Variants in EPHA1 observed in about 807,000 individuals in gnomAD.
The protein encoded by EPHA1 is EPH receptor A1, also known as ephrin type-A receptor 1.
In EPHA1, 92 loss-of-function variants were observed where a neutral mutation model predicts 110.1. The ratio of observed to expected loss-of-function variants is 0.84; its 90% confidence interval spans 0.71 to 0.99. EPHA1 has a LOEUF of 0.99. Ranked by LOEUF, EPHA1 falls within the 50% of genes least tolerant of loss-of-function variation. The pLI is 0.00. For synonymous variants in EPHA1, 500 were observed against 516.1 expected (o/e 0.97, Z 0.42); for missense variants, 1,204 against 1,285.4 (o/e 0.94, Z 0.97).
In EPHA1 at chr7:143,391,582, C is replaced by T. The variant is rs145434882; in HGVS notation, c.2852+38G>A. 10,645 of 1,614,098 alleles carry T rather than the reference C, an allele frequency of 6.6e-3. 63 individuals carry two copies. The highest frequency in any genetic ancestry group is 0.023 in the East Asian group (1,010 of 44,872). On this transcript the variant is annotated intron_variant, in intron 17 of 17. Coordinates refer to ENST00000275815, the MANE Select transcript of EPHA1 (RefSeq NM_005232.5). Reference sequence around the variant, plus strand: ...GGCATGAGTCCGGAGGCTCCACCCCCGCAGCCCTCCCCTGCCCAGACAGCT... The same window carrying T: ...GGCATGAGTCCGGAGGCTCCACCCCTGCAGCCCTCCCCTGCCCAGACAGCT...
At chr7:143,406,547 G>C (rs951555490) in intron 2 of EPHA1, among the ~76,000 whole-genome samples, 1 of 152,250 alleles carries the variant, frequency 6.6e-6, no homozygotes, top group Non-Finnish European at 1.5e-5. Flanking sequence ...AGGAGGGTCA[G>C]GTAAACCTGA....
chr7:143,397,206 C>G, intron 10 of EPHA1, 98 bp downstream of exon 10: 2 of 1,414,912 alleles, frequency 1.4e-6, no homozygotes, highest in Non-Finnish European at 1.9e-6. Context: ...CAAATGTGTC[C>G]CTTGATCCCT....
At position 143,394,330 on chromosome 7, in the gene EPHA1, G is replaced by A. The variant is rs1805180693; in HGVS notation, c.2366C>T (p.Pro789Leu). ...GTYETQGGKIPIRWTAPEAIA... is the reference protein window; with the variant it reads ...GTYETQGGKILIRWTAPEAIA... ...GGCTTCAGGGGCTGTCCAACGGATAGGGATCTTTCCTCCCTAAGAAGGCAC... is the reference window on the plus strand; with the variant it reads ...GGCTTCAGGGGCTGTCCAACGGATAAGGATCTTTCCTCCCTAAGAAGGCAC... The change falls in exon 15 of 18, where the codon CCT (proline) becomes CTT (leucine). Residue 789 changes from proline (P) to leucine (L), a missense_variant. Physicochemically the swap from Pro to Leu is moderately conservative, Grantham distance 98. Transcript: ENST00000275815. 1 of 1,613,876 alleles carries A rather than the reference G, an allele frequency of 6.2e-7. No individual in the cohort carries two copies. The highest frequency in any genetic ancestry group is 1.1e-5 in the South Asian group (1 of 91,078).
intron 3 of EPHA1, among the ~76,000 whole-genome samples, chr7:143,400,553 T>C (rs1031798650): frequency 1.3e-5 from 2 of 152,210 alleles, no homozygotes; most frequent in Non-Finnish European, 2.9e-5. Flanking sequence ...AGGATGTTTT[T>C]TTGAGTAGGA....
At position 143,399,907 on chromosome 7, in the gene EPHA1, G is replaced by A; in HGVS notation, c.579C>T (p.Ala193=). The A allele has an allele frequency of 6.2e-7, 1 of 1,612,314 alleles. No homozygotes were observed. Among genetic ancestry groups the A allele is most frequent in the Non-Finnish European group, 8.5e-7 (1 of 1,179,186 alleles). ...GGTAGAAGACCCGGACAGACACCAG[G>A]GCCACACAGGCACCCGGGTTGTGGA... is the stretch of plus-strand genomic sequence containing the variant. ...LAFHNPGACV[A]LVSVRVFYQR... Residue 193 remains alanine (A), a synonymous_variant, in exon 4 of 18, where the codon GCC becomes GCT. Coordinates refer to ENST00000275815, the MANE Select transcript of EPHA1 (RefSeq NM_005232.5).
In EPHA1 at chr7:143,395,557, G is replaced by C; in HGVS notation, c.1898-53C>G. On this transcript the variant is annotated intron_variant, in intron 11 of 17. Coordinates refer to ENST00000275815, the MANE Select transcript of EPHA1 (RefSeq NM_005232.5). The surrounding 1 kb of genome is among the most constrained non-coding windows in gnomAD (Gnocchi z 4.7). ...CCGATGCACTGCAGGGCTCCTCCAG[G>C]GGACAGGCAGCAACCCCTCCAGTCC... The C allele has an allele frequency of 6.3e-7, 1 of 1,584,830 alleles. No homozygotes were observed. Among genetic ancestry groups the C allele is most frequent in the Non-Finnish European group, 8.6e-7 (1 of 1,161,058 alleles).
chr7:143,400,764 T>C (rs1351923890), intron 3 of EPHA1: 1 of 156,102 alleles, frequency 6.4e-6, no homozygotes, highest in Non-Finnish European at 1.4e-5. Context: ...AAAATAGATA[T>C]AGCTGGCCCT....
chr7:143,396,161 G>T (rs868808821), intron 11 of EPHA1, among the ~76,000 whole-genome samples: 37 of 152,252 alleles, frequency 2.4e-4, no homozygotes, highest in African/African-American at 8.7e-4. Flanking sequence ...AAGCAAGTGT[G>T]TAGGAGACAG....
chr7:143,391,576 C>T (rs1344205576), intron 17 of EPHA1, 41 bp from the exon 18 acceptor site: 14 of 1,614,124 alleles, frequency 8.7e-6, no homozygotes, highest in African/African-American at 1.3e-5. Flanking sequence ...CCGGAGGCTC[C>T]ACCCCCGCAG....
rs796742967 is a variant in EPHA1, at chr7:143,401,710, T to C, written c.151-105A>G. On this transcript the variant is annotated intron_variant, in intron 2 of 17. Coordinates refer to ENST00000275815, the MANE Select transcript of EPHA1 (RefSeq NM_005232.5). This position sits in a 1 kb window ranked among gnomAD's most constrained non-coding sequence, Gnocchi z 4.1. ...CAGCTGTGTCAGAGCCCCTCAGGTT[T>C]ATGCTACTTGTTCTGCCTCTCCCCA... 7 of 1,396,800 alleles carry C rather than the reference T, an allele frequency of 5.0e-6. No homozygotes were observed. In the African/African-American group the frequency reaches 1.0e-4, roughly 20 times the overall value. 86.5% of individuals were successfully genotyped at this position (1,396,800 alleles called of 1,614,324 possible).
At position 143,395,536 on chromosome 7, in the gene EPHA1, T is replaced by C. The variant is rs751355309; in HGVS notation, c.1898-32A>G. On this transcript the variant is annotated intron_variant, in intron 11 of 17. Coordinates refer to ENST00000275815, the MANE Select transcript of EPHA1 (RefSeq NM_005232.5). The surrounding 1 kb of genome is among the most constrained non-coding windows in gnomAD (Gnocchi z 4.7). ...AGAAAGAAAACAGGCTGTGGCCCGA[T>C]GCACTGCAGGGCTCCTCCAGGGGAC... 1.6e-5 allele frequency: 25 copies of C among 1,608,592 alleles called. No individual in the cohort carries two copies. Among genetic ancestry groups the C allele is most frequent in the Admixed American group, 5.0e-5 (3 of 59,836 alleles).
At position 143,397,547 on chromosome 7, in the gene EPHA1, G is replaced by T; in HGVS notation, c.1712+14C>A. The T allele has an allele frequency of 6.2e-7, 1 of 1,612,682 alleles. No individual in the cohort carries two copies. Among genetic ancestry groups the T allele is most frequent in the Non-Finnish European group, 8.5e-7 (1 of 1,178,718 alleles). On this transcript the variant is annotated intron_variant, in intron 9 of 17. Transcript: ENST00000275815. Reference sequence around the variant, plus strand: ...CCCAGGGCTGGTGGTTGGGGAGGGGGCAGGAGCTGGCACCTGGACCGGAAA... The same window carrying T: ...CCCAGGGCTGGTGGTTGGGGAGGGGTCAGGAGCTGGCACCTGGACCGGAAA...
intron 3 of EPHA1, chr7:143,400,979 A>C (rs1805398589): frequency 6.4e-6 from 2 of 311,012 alleles, no homozygotes; most frequent in Non-Finnish European, 1.2e-5. Flanking sequence ...CTGCAGCCTC[A>C]AACTCCTGGG....
rs187038670 is a variant in EPHA1, at chr7:143,394,769, G to T, written c.2352+39C>A. ...GACTGTATGAATGGCATGTTACGGG[G>T]CAATGTGAATGTGCACTGGGTTTGT... On this transcript the variant is annotated intron_variant, in intron 14 of 17. Coordinates refer to ENST00000275815, the MANE Select transcript of EPHA1 (RefSeq NM_005232.5). 2.5e-6 allele frequency: 4 copies of T among 1,607,998 alleles called. No individual in the cohort carries two copies. In the East Asian group the frequency reaches 8.9e-5, roughly 36 times the overall value.
rs1281021546 is a variant in EPHA1, at chr7:143,399,851, G to A, written c.635C>T (p.Ala212Val). 1.9e-6 allele frequency: 3 copies of A among 1,606,018 alleles called. No individual in the cohort carries two copies. The highest frequency in any genetic ancestry group is 1.3e-5 in the African/African-American group (1 of 74,722). Reference protein sequence around the residue: ...QRCPETLNGLAQFPDTLPGPA... With the variant: ...QRCPETLNGLVQFPDTLPGPA... Reference sequence around the variant, plus strand: ...GCCAGGCAGAGTGTCTGGGAATTGGGCCAAGCCATTCAGGGTCTCAGGACA... The same window carrying A: ...GCCAGGCAGAGTGTCTGGGAATTGGACCAAGCCATTCAGGGTCTCAGGACA... Residue 212 changes from alanine to valine, a missense_variant, in exon 4 of 18, where the codon GCC becomes GTC. By Grantham distance (64) the Ala-to-Val change is moderately conservative (BLOSUM62 0). Coordinates refer to ENST00000275815, the MANE Select transcript of EPHA1 (RefSeq NM_005232.5).
rs1022491003 is a variant in EPHA1, at chr7:143,395,564, G to A, written c.1898-60C>T. 5.8e-6 allele frequency: 9 copies of A among 1,561,760 alleles called. No homozygotes were observed. In the African/African-American group the frequency reaches 9.5e-5, roughly 16 times the overall value. On this transcript the variant is annotated intron_variant, in intron 11 of 17. Transcript: ENST00000275815. The surrounding 1 kb of genome is among the most constrained non-coding windows in gnomAD (Gnocchi z 4.7). ...ACTGCAGGGCTCCTCCAGGGGACAG[G>A]CAGCAACCCCTCCAGTCCTCCGGCC... is the stretch of plus-strand genomic sequence containing the variant.
chr7:143,392,948 GA>G (rs146133790), intron 16 of EPHA1, among the ~76,000 whole-genome samples: 2 of 148,712 alleles, frequency 1.3e-5, no homozygotes, highest in African/African-American at 2.5e-5. Flanking sequence ...TCTCGGGGTG[GA>G]AAAAAAAACA....
intron 2 of EPHA1, among the ~76,000 whole-genome samples, chr7:143,406,764 C>T (rs2116641846): frequency 6.6e-6 from 1 of 152,374 alleles, no homozygotes; most frequent in Non-Finnish European, 1.5e-5. Context: ...GGAATCCCTA[C>T]ACGCATTTTG....
In EPHA1 at chr7:143,398,430, G is replaced by A. The variant is rs774180152; in HGVS notation, c.1355C>T (p.Ser452Phe). 6.2e-7 allele frequency: 1 copy of A among 1,614,072 alleles called. No individual in the cohort carries two copies. The highest frequency in any genetic ancestry group is 8.5e-7 in the Non-Finnish European group (1 of 1,180,016). The change falls in exon 7 of 18, where the codon TCT becomes TTT. Residue 452 changes from serine (S) to phenylalanine (F), a missense_variant. Ser to Phe is a radical substitution (Grantham distance 155). Coordinates refer to ENST00000275815, the MANE Select transcript of EPHA1 (RefSeq NM_005232.5). ...MGHAESLSGLSLRLVKKEPRQ... is the reference protein window; with the variant it reads ...MGHAESLSGLFLRLVKKEPRQ... ...CGGTTCTTTCTTCACCAGTCTCAGA[G>A]ACAGGCCTGACAGTGACTCTGGGGG...
Sources: allele counts gnomAD v4.1 joint callset (sites outside exome capture counted in the v4.1 genomes callset), GRCh38; gene constraint gnomAD v4.1.1; non-coding constraint Gnocchi (gnomAD v3.1); transcripts MANE v1.5; gene names NCBI Gene and HGNC (gene_info 2026-07-23, HGNC 2026-07-21).